The following ATP8A2 variants were observed in gnomAD, a reference collection of about 807,000 sequenced individuals.
The protein encoded by ATP8A2 is ATPase phospholipid transporting 8A2, also known as phospholipid-transporting ATPase IB.
In ATP8A2, 100 loss-of-function variants were observed where a neutral mutation model predicts 165.6. The ratio of observed to expected loss-of-function variants is 0.60; its 90% CI spans 0.51 to 0.71. The LOEUF (loss-of-function observed/expected upper bound fraction) is 0.71. Among genes scored for constraint, ATP8A2 ranks in the 30% least tolerant of loss-of-function variants. The pLI is 0.00. For missense variants in ATP8A2, 1,227 were observed against 1,479.5 expected, an observed-to-expected ratio of 0.83 and a Z score of 2.80; for synonymous variants, 543 against 548.8, an observed-to-expected ratio of 0.99 and a Z score of 0.15.
chr13:25,554,723 C>A (rs973315229), intron 12 of ATP8A2, among the ~76,000 whole-genome samples: 1 of 151,924 alleles, frequency 6.6e-6, no homozygotes, highest in South Asian at 2.1e-4. Context: ...CCATGCCTGG[C>A]TAATTTTTGT....
chr13:26,012,667 C>G (rs762218998), intron 36 of ATP8A2, 45 bp downstream of exon 36: 7 of 940,448 alleles, frequency 7.4e-6, no homozygotes, highest in Non-Finnish European at 9.4e-6. Context: ...GGTGTCGGTG[C>G]GGGGCGGGGG....
At chr13:25,927,432 T>C (rs765199258) in intron 33 of ATP8A2, 4 of 349,524 alleles carry the variant, frequency 1.1e-5, no homozygotes, top group Non-Finnish European at 2.3e-5. Context: ...AATTCTGAGC[T>C]TTTCTGGGTC....
intron 33 of ATP8A2, among the ~76,000 whole-genome samples, chr13:25,956,743 T>C (rs192969357): frequency 1.3e-4 from 20 of 152,350 alleles, no homozygotes; most frequent in African/African-American, 4.8e-4. Flanking sequence ...TACCATTGAC[T>C]TTCTTCACAG....
At position 25,953,169 on chromosome 13, in the gene ATP8A2, G is replaced by A. The variant is rs1955417772; in HGVS notation, c.3184-8406G>A. Among the ~76,000 whole-genome samples the A allele has an allele frequency of 6.6e-6, 1 of 152,114 alleles. No homozygotes were observed. The highest frequency in any genetic ancestry group is 2.1e-4 in the South Asian group (1 of 4,824). On this transcript the variant is annotated intron_variant, in intron 33 of 36. Transcript: ENST00000381655. The surrounding 1 kb of genome is among the most constrained non-coding windows in gnomAD (Gnocchi z 6.7). Reference sequence around the variant, plus strand: ...TGGATTGGAAAAATTGTCCCCTCCTGTGTTTCTTTTCGTCTTTTAACTTTA... The same window carrying A: ...TGGATTGGAAAAATTGTCCCCTCCTATGTTTCTTTTCGTCTTTTAACTTTA...
At chr13:25,877,238 T>C (rs1363171948) in intron 33 of ATP8A2, among the ~76,000 whole-genome samples, 1 of 152,194 alleles carries the variant, frequency 6.6e-6, no homozygotes, top group Non-Finnish European at 1.5e-5. Flanking sequence ...CCAAAAACTT[T>C]TTTTAAAAAA....
intron 24 of ATP8A2, among the ~76,000 whole-genome samples, chr13:25,639,414 T>C (rs1189580755): frequency 6.6e-6 from 1 of 152,080 alleles, no homozygotes; most frequent in Admixed American, 6.5e-5. Context: ...GAAGATCTAC[T>C]AAGCAAATGG....
intron 2 of ATP8A2, among the ~76,000 whole-genome samples, chr13:25,506,961 A>ATATATCTATC (rs569215571): frequency 6.9e-6 from 1 of 145,276 alleles, no homozygotes; most frequent in Non-Finnish European, 1.5e-5. Flanking sequence ...ATATATATAT[A>ATATATCTATC]TCTTATTTTA....
rs950070478 is a variant in ATP8A2, at chr13:25,570,998, C to G, written c.1579+126C>G. On this transcript the variant is annotated intron_variant, in intron 17 of 36. Coordinates refer to ENST00000381655, the MANE Select transcript of ATP8A2 (RefSeq NM_016529.6). ...TCGGCTGTCTGCTGTTGGCCTCACC[C>G]TGTGGCCAGGCTGTGGCTACAGGTG... 1.2e-5 allele frequency: 8 copies of G among 657,920 alleles called. No individual in the cohort carries two copies. The Admixed American group carries it at 2.0e-4, about 16-fold the overall frequency. 40.8% of individuals were successfully genotyped at this position (657,920 alleles called of 1,614,324 possible).
chr13:25,736,729 G>A (rs889638517), intron 25 of ATP8A2, among the ~76,000 whole-genome samples: 7 of 152,114 alleles, frequency 4.6e-5, no homozygotes, highest in Non-Finnish European at 8.8e-5. Context: ...TGGACGGTGG[G>A]CTGGATTTGA....
At chr13:26,008,277 A>G (rs945316435) in intron 35 of ATP8A2, among the ~76,000 whole-genome samples, 1 of 152,238 alleles carries the variant, frequency 6.6e-6, no homozygotes, top group Non-Finnish European at 1.5e-5. Flanking sequence ...GAAGATACAG[A>G]TATCAAAAAG....
At chr13:25,550,301 T>C (rs955787663) in intron 10 of ATP8A2, among the ~76,000 whole-genome samples, 1 of 152,108 alleles carries the variant, frequency 6.6e-6, no homozygotes, top group East Asian at 1.9e-4. Flanking sequence ...TGAGACTCCA[T>C]CTCAAAAAAT....
intron 18 of ATP8A2, among the ~76,000 whole-genome samples, chr13:25,572,078 C>T (rs910979852): frequency 6.6e-6 from 1 of 152,162 alleles, no homozygotes; most frequent in Non-Finnish European, 1.5e-5. Context: ...CCTCACAGTC[C>T]ACTGGGCTTC....
chr13:25,415,194 C>CTTGTGGGTATAT (rs1158273091), intron 1 of ATP8A2, among the ~76,000 whole-genome samples: 5 of 152,224 alleles, frequency 3.3e-5, no homozygotes, highest in Non-Finnish European at 4.4e-5. Context: ...GGTTGGATGT[C>CTTGTGGGTATAT]TTGTGGGTAT....
intron 33 of ATP8A2, among the ~76,000 whole-genome samples, chr13:25,886,042 T>C (rs1441068462): frequency 1.3e-5 from 2 of 152,204 alleles, no homozygotes; most frequent in South Asian, 4.1e-4. Context: ...GAGGCAGATG[T>C]TGTACTTCTG....
chr13:25,658,103 G>C (rs2041973248), intron 24 of ATP8A2, among the ~76,000 whole-genome samples: 1 of 152,152 alleles, frequency 6.6e-6, no homozygotes, highest in Non-Finnish European at 1.5e-5. Context: ...GCCACTGGTA[G>C]GGACGTGCAC....
chr13:25,491,354 A>G (rs1348285608), intron 2 of ATP8A2, among the ~76,000 whole-genome samples: 1 of 152,072 alleles, frequency 6.6e-6, no homozygotes, highest in East Asian at 1.9e-4. Context: ...CAGGAGCCCC[A>G]TGGTGCTACA....
intron 25 of ATP8A2, among the ~76,000 whole-genome samples, chr13:25,723,920 T>C (rs531082074): frequency 2.0e-5 from 3 of 152,244 alleles, no homozygotes; most frequent in Admixed American, 1.3e-4. Flanking sequence ...AGATTTCAAA[T>C]AGGAGTAGGA....
chr13:25,917,115 T>C (rs1173435642), intron 33 of ATP8A2, among the ~76,000 whole-genome samples: 1 of 152,242 alleles, frequency 6.6e-6, no homozygotes, highest in Non-Finnish European at 1.5e-5. Flanking sequence ...CGCCCATGCC[T>C]GGTAGTAACC....
intron 10 of ATP8A2, 152 bp downstream of exon 10, chr13:25,543,554 G>T: frequency 1.9e-6 from 1 of 525,406 alleles, no homozygotes; most frequent in East Asian, 2.9e-5. Context: ...TTCTTAGGTA[G>T]CTTTTTCTAG....
Sources: gnomAD v4.1 joint callset for allele counts (sites outside exome capture counted in the v4.1 genomes callset) on GRCh38, gnomAD v4.1.1 for gene constraint, Gnocchi (gnomAD v3.1) non-coding constraint, MANE v1.5 for transcripts, NCBI Gene and HGNC (gene_info 2026-07-23, HGNC 2026-07-21) for gene names.